Variants in CERKL observed in about 807,000 individuals in gnomAD.
The protein encoded by CERKL is ceramide kinase-like protein.
In CERKL, 61 loss-of-function variants were observed where a neutral mutation model predicts 63.4. That is an observed-to-expected ratio of 0.96 (90% confidence interval 0.78 to 1.19). The LOEUF is 1.19. CERKL is among the 50% of genes most tolerant of loss of function. CERKL has a pLI of 0.00. For missense variants in CERKL, 675 were observed against 655.5 expected (o/e 1.03, Z -0.33); for synonymous variants, 250 against 230.5 (o/e 1.08, Z -0.77).
At chr2:181,647,979 G>A (rs1200815187) in intron 1 of CERKL, among the ~76,000 whole-genome samples, 1 of 151,904 alleles carries the variant, frequency 6.6e-6, no homozygotes, top group Non-Finnish European at 1.5e-5. Flanking sequence ...AGATCAAGCA[G>A]AAGAAAGAAT....
At chr2:181,651,256 T>C (rs898507865) in intron 1 of CERKL, among the ~76,000 whole-genome samples, 4 of 152,118 alleles carry the variant, frequency 2.6e-5, no homozygotes, top group Admixed American at 1.3e-4. Context: ...CTGATGAACA[T>C]AGGTGCAAAA....
intron 1 of CERKL, among the ~76,000 whole-genome samples, chr2:181,622,656 T>C (rs1306897607): frequency 2.6e-5 from 4 of 152,240 alleles, no homozygotes; most frequent in African/African-American, 7.2e-5. Context: ...TTTCAGTCAG[T>C]AGATCACATG....
At position 181,537,765 on chromosome 2, in the gene CERKL, T is replaced by TATTGTGTGTCCAATAAACACATTGTA. The variant is rs1398613302; in HGVS notation, c.*418_*419insTACAATGTGTTTATTGGACACACAAT. The TATTGTGTGTCCAATAAACACATTGTA allele has an allele frequency of 4.4e-6, 2 of 449,780 alleles. No homozygotes were observed. Among genetic ancestry groups the TATTGTGTGTCCAATAAACACATTGTA allele is most frequent in the South Asian group, 3.2e-5 (2 of 62,682 alleles). 27.9% of individuals were successfully genotyped at this position (449,780 alleles called of 1,614,324 possible). On this transcript the variant is annotated 3_prime_UTR_variant, in exon 13 of 13. Transcript: ENST00000410087. ...AAAAAAAAGAATTTGAATTGATATCTAAAAACAGAATTTGAATTGATATTT... is the reference window on the plus strand; with the variant it reads ...AAAAAAAAGAATTTGAATTGATATCTATTGTGTGTCCAATAAACACATTGTAAAAAACAGAATTTGAATTGATATTT...
chr2:181,614,757 TA>T (rs951000001), intron 1 of CERKL, among the ~76,000 whole-genome samples: 7 of 151,604 alleles, frequency 4.6e-5, no homozygotes, highest in Admixed American at 1.3e-4. Context: ...AAAGAGGAGT[TA>T]AAAAAAAATC....
intron 1 of CERKL, among the ~76,000 whole-genome samples, chr2:181,626,961 C>G (rs1686733667): frequency 6.6e-6 from 1 of 152,194 alleles, no homozygotes. Context: ...GCTGGATTTT[C>G]CTTTCTGAAG....
chr2:181,603,738 T>C (rs1207455421), intron 2 of CERKL, 99 bp downstream of exon 2: 1 of 1,209,888 alleles, frequency 8.3e-7, no homozygotes, highest in Admixed American at 1.7e-5. Flanking sequence ...GGAAACTATC[T>C]CAACATCACT....
chr2:181,652,743 A>G (rs934779416), intron 1 of CERKL, among the ~76,000 whole-genome samples: 2 of 151,720 alleles, frequency 1.3e-5, no homozygotes, highest in South Asian at 2.1e-4. Context: ...TCCAAAATAT[A>G]TAAGAAAATT....
intron 1 of CERKL, among the ~76,000 whole-genome samples, chr2:181,610,834 A>G (rs960715981): frequency 6.6e-6 from 1 of 152,348 alleles, no homozygotes; most frequent in East Asian, 1.9e-4. Flanking sequence ...TTAATGTAGA[A>G]AAGGAAAATT....
intron 2 of CERKL, among the ~76,000 whole-genome samples, chr2:181,592,911 C>G (rs565103583): frequency 4.1e-4 from 63 of 152,148 alleles, no homozygotes; most frequent in Non-Finnish European, 7.5e-4. Flanking sequence ...TAATGGCAAT[C>G]TCTCTCACCC....
At chr2:181,608,950 A>C (rs1273227864) in intron 1 of CERKL, among the ~76,000 whole-genome samples, 1 of 152,222 alleles carries the variant, frequency 6.6e-6, no homozygotes, top group African/African-American at 2.4e-5. Flanking sequence ...TTCCCATATC[A>C]ATTAGCATAT....
At chr2:181,638,965 G>C (rs1307709000) in intron 1 of CERKL, among the ~76,000 whole-genome samples, 2 of 151,918 alleles carry the variant, frequency 1.3e-5, no homozygotes, top group African/African-American at 4.8e-5. Flanking sequence ...AAACTAGTTT[G>C]TTCAAAACAT....
intron 1 of CERKL, among the ~76,000 whole-genome samples, chr2:181,608,353 T>C (rs926699004): frequency 7.0e-6 from 1 of 142,268 alleles, no homozygotes; most frequent in Non-Finnish European, 1.5e-5. Context: ...TTGTATCACA[T>C]ATAAATTGAG....
At chr2:181,564,037 A>C (rs1574453201) in intron 4 of CERKL, among the ~76,000 whole-genome samples, 1 of 152,136 alleles carries the variant, frequency 6.6e-6, no homozygotes, top group Non-Finnish European at 1.5e-5. Context: ...CAGATCATCA[A>C]GCATTAGATT....
At position 181,558,607 on chromosome 2, in the gene CERKL, G is replaced by C. The variant is rs750466083; in HGVS notation, c.779C>G (p.Thr260Ser). 1 of 1,613,766 alleles carries C rather than the reference G, an allele frequency of 6.2e-7. No individual in the cohort carries two copies. The highest frequency in any genetic ancestry group is 8.5e-7 in the Non-Finnish European group (1 of 1,179,822). The change falls in exon 5 of 13, where the codon ACT becomes AGT. Residue 260 changes from threonine to serine, a missense_variant. By Grantham distance (58) the Thr-to-Ser change is moderately conservative (BLOSUM62 1). Coordinates refer to ENST00000410087, the MANE Select transcript of CERKL (RefSeq NM_201548.5). The surrounding 1 kb of genome is among the most constrained non-coding windows in gnomAD (Gnocchi z 4.2). ...AAGTGGAAGCTGTGCTCTGACAGGAGTCAGGATTCGGTCTGTTTCCATCCC... is the reference window on the plus strand; with the variant it reads ...AAGTGGAAGCTGTGCTCTGACAGGACTCAGGATTCGGTCTGTTTCCATCCC... ...NAGMETDRIL[T>S]PVRAQLPLGL...
intron 3 of CERKL, 100 bp downstream of exon 3, chr2:181,573,653 T>C (rs1294467131): frequency 1.2e-5 from 12 of 1,026,136 alleles, no homozygotes; most frequent in Non-Finnish European, 1.6e-5. Flanking sequence ...GCTATAGATA[T>C]TACAAGTAGT....
intron 1 of CERKL, among the ~76,000 whole-genome samples, chr2:181,639,426 T>TA (rs937727928): frequency 4.6e-5 from 7 of 151,904 alleles, no homozygotes; most frequent in Non-Finnish European, 1.0e-4. Flanking sequence ...GTGGTTTCCA[T>TA]AAAAAAAATT....
intron 1 of CERKL, among the ~76,000 whole-genome samples, chr2:181,631,965 A>G (rs1333842589): frequency 3.2e-4 from 48 of 152,224 alleles, no homozygotes; most frequent in Admixed American, 3.1e-3. Flanking sequence ...AATATATAGT[A>G]CTAAATTTAG....
intron 2 of CERKL, among the ~76,000 whole-genome samples, chr2:181,578,172 A>G (rs1684334291): frequency 6.6e-6 from 1 of 152,144 alleles, no homozygotes; most frequent in African/African-American, 2.4e-5. Flanking sequence ...AAATGTATCT[A>G]TATACACGCA....
intron 11 of CERKL, among the ~76,000 whole-genome samples, chr2:181,543,268 A>T (rs1006034048): frequency 6.6e-6 from 1 of 152,198 alleles, no homozygotes; most frequent in African/African-American, 2.4e-5. Context: ...TTTTTTAAAA[A>T]TTGGTTTTAA....
Sources: gnomAD v4.1 joint callset for allele counts (sites outside exome capture counted in the v4.1 genomes callset) on GRCh38, gnomAD v4.1.1 for gene constraint, Gnocchi (gnomAD v3.1) non-coding constraint, MANE v1.5 for transcripts, NCBI Gene and HGNC (gene_info 2026-07-23, HGNC 2026-07-21) for gene names.